FLRT2: variants seen among roughly 807,000 people sequenced by gnomAD.
FLRT2 encodes the protein fibronectin leucine rich transmembrane protein 2.
Under a neutral mutation model 40.0 loss-of-function variants are expected in FLRT2, and 15 were observed. That is an observed-to-expected ratio of 0.38 (90% CI 0.25 to 0.58). The LOEUF (loss-of-function observed/expected upper bound fraction) is 0.58. Ranked by LOEUF, FLRT2 falls within the 20% of genes least tolerant of loss-of-function variation. The pLI, the probability that FLRT2 is intolerant of heterozygous loss-of-function variation, is 0.71. For synonymous variants in FLRT2, 380 were observed against 336.8 expected (o/e 1.13, Z -1.41); for missense variants, 726 against 840.0 (o/e 0.86, Z 1.68).
intron 1 of FLRT2, among the ~76,000 whole-genome samples, chr14:85,534,869 T>C (rs1419470919): frequency 6.6e-6 from 1 of 151,304 alleles, no homozygotes; most frequent in Non-Finnish European, 1.5e-5. Flanking sequence ...ACTGAGTTTT[T>C]AGTTTCAAAG....
intron 1 of FLRT2, among the ~76,000 whole-genome samples, chr14:85,611,918 G>A (rs796505296): frequency 1.2e-3 from 11 of 8,856 alleles, no homozygotes; most frequent in African/African-American, 4.6e-3. Context: ...GCGCGAAAGC[G>A]TGTGTGTGTG....
At position 85,646,491 on chromosome 14, in the gene FLRT2, G is replaced by C. The variant is rs1354843163; in HGVS notation, c.*22994G>C. 1 of 152,196 alleles carries C rather than the reference G, an allele frequency of 6.6e-6. No individual in the cohort carries two copies. Among genetic ancestry groups the C allele is most frequent in the Non-Finnish European group, 1.5e-5 (1 of 68,046 alleles). 9.4% of individuals were successfully genotyped at this position (152,196 alleles called of 1,614,324 possible). On this transcript the variant is annotated 3_prime_UTR_variant, in exon 2 of 2. Transcript: ENST00000330753. ...AAGGAAGGGAGGAAAGGATGAAGTAGGTTTGCAGTCCTCTTAGAAGAAGGT... is the reference window on the plus strand; with the variant it reads ...AAGGAAGGGAGGAAAGGATGAAGTACGTTTGCAGTCCTCTTAGAAGAAGGT...
intron 1 of FLRT2, among the ~76,000 whole-genome samples, chr14:85,555,908 A>T (rs1889929983): frequency 6.6e-6 from 1 of 152,030 alleles, no homozygotes. Flanking sequence ...AATTGGAAGA[A>T]AGCCAACTAT....
chr14:85,616,807 C>T (rs2139361883), intron 1 of FLRT2, among the ~76,000 whole-genome samples: 1 of 152,300 alleles, frequency 6.6e-6, no homozygotes, highest in East Asian at 1.9e-4. Context: ...TTTTAAGCCT[C>T]ATGAGCCAAA....
In FLRT2 at chr14:85,621,818, G is replaced by A; in HGVS notation, c.304G>A (p.Glu102Lys). The change falls in exon 2 of 2, where the codon GAA becomes AAA. Residue 102 changes from glutamate (E) to lysine (K), a missense_variant. Physicochemically the swap from Glu to Lys is moderately conservative, Grantham distance 56 (BLOSUM62 1). Around this residue, in one of 3 missense-constraint regions of FLRT2, gnomAD observed 106 missense variants for 121.2 expected, o/e 0.87. Coordinates refer to ENST00000330753, the MANE Select transcript of FLRT2 (RefSeq NM_013231.6). ...CTACCTGTATGGCAACCAACTGGAC[G>A]AATTCCCCATGAACCTTCCCAAGAA... ...TVYLYGNQLDEFPMNLPKNVR... is the reference protein window; with the variant it reads ...TVYLYGNQLDKFPMNLPKNVR... 3 of 1,614,116 alleles carry A rather than the reference G, an allele frequency of 1.9e-6. No homozygotes were observed. Among genetic ancestry groups the A allele is most frequent in the Non-Finnish European group, 1.7e-6 (2 of 1,180,022 alleles).
At chr14:85,563,278 A>G (rs2139848583) in intron 1 of FLRT2, among the ~76,000 whole-genome samples, 1 of 152,276 alleles carries the variant, frequency 6.6e-6, no homozygotes, top group Middle Eastern at 3.4e-3. Flanking sequence ...TAATGGTGAG[A>G]TTGGAATGAG....
chr14:85,531,365 G>C (rs1037172040), intron 1 of FLRT2: 1 of 152,602 alleles, frequency 6.6e-6, no homozygotes, highest in African/African-American at 2.4e-5. Context: ...AGGCTTGGGG[G>C]CTTGGGGCCT....
chr14:85,584,216 CA>C (rs1283024678), intron 1 of FLRT2, among the ~76,000 whole-genome samples: 16 of 152,224 alleles, frequency 1.1e-4, no homozygotes, highest in Admixed American at 9.8e-4. Flanking sequence ...GCAAAATGAA[CA>C]AGTTGATTAA....
intron 1 of FLRT2, among the ~76,000 whole-genome samples, chr14:85,600,658 T>C (rs1367246953): frequency 6.6e-6 from 1 of 152,212 alleles, no homozygotes; most frequent in African/African-American, 2.4e-5. Flanking sequence ...TTGTGGACTT[T>C]TTTTGCAATT....
intron 1 of FLRT2, among the ~76,000 whole-genome samples, chr14:85,580,450 C>T (rs1293787005): frequency 6.6e-6 from 1 of 151,814 alleles, no homozygotes; most frequent in Non-Finnish European, 1.5e-5. Context: ...GCATGCATGC[C>T]CCTTTATTAT....
Position 85,653,983 on chromosome 14 carries a change from A to C in FLRT2, c.*30486A>C, listed in dbSNP as rs1894491438. 6.6e-6 allele frequency: 1 copy of C among 152,200 alleles called. No individual in the cohort carries two copies. The highest frequency in any genetic ancestry group is 2.4e-5 in the African/African-American group (1 of 41,448). The allele number at this position is 152,200 out of a possible 1,614,324, so 9.4% of individuals were successfully genotyped here. A position where few individuals can be genotyped will look rare whatever the true frequency, so the allele number is the denominator to read the frequency against. ...ATTCCTAAATGCTATTGCTCACCTCAAGTCAATGTCACTTTGTATTAATGG... is the reference window on the plus strand; with the variant it reads ...ATTCCTAAATGCTATTGCTCACCTCCAGTCAATGTCACTTTGTATTAATGG... On this transcript the variant is annotated 3_prime_UTR_variant, in exon 2 of 2. Coordinates refer to ENST00000330753, the MANE Select transcript of FLRT2 (RefSeq NM_013231.6).
chr14:85,532,262 C>T (rs1213899941), intron 1 of FLRT2, among the ~76,000 whole-genome samples: 1 of 152,192 alleles, frequency 6.6e-6, no homozygotes, highest in Admixed American at 6.5e-5. Context: ...CCACCGACGG[C>T]GCGTCTCGGC....
At chr14:85,591,207 A>G (rs992021016) in intron 1 of FLRT2, among the ~76,000 whole-genome samples, 5 of 152,234 alleles carry the variant, frequency 3.3e-5, no homozygotes, top group African/African-American at 1.2e-4. Context: ...AATTTTGCAG[A>G]TGAATTAGTT....
At chr14:85,536,793 G>A (rs561834944) in intron 1 of FLRT2, among the ~76,000 whole-genome samples, 2 of 152,130 alleles carry the variant, frequency 1.3e-5, no homozygotes, top group African/African-American at 2.4e-5. Context: ...TTTAATTACA[G>A]TAATAAAAAT....
rs531210007 is a variant in FLRT2, at chr14:85,569,530, T to G, written c.-377+38996T>G. Among the ~76,000 whole-genome samples the G allele has an allele frequency of 1.2e-3, 183 of 152,294 alleles. 3 individuals are homozygous for G. The South Asian group carries it at 0.037, about 31-fold the overall frequency. On this transcript the variant is annotated intron_variant, in intron 1 of 1. Coordinates refer to ENST00000330753, the MANE Select transcript of FLRT2 (RefSeq NM_013231.6). ...ATGCATTCAACTCAGTCCTTAGAGA[T>G]AAATGTTAGAGACAAAGGCACCATT...
chr14:85,610,819 C>T (rs990425898), intron 1 of FLRT2, among the ~76,000 whole-genome samples: 7 of 152,196 alleles, frequency 4.6e-5, no homozygotes, highest in East Asian at 1.9e-4. Flanking sequence ...CCATTATCAT[C>T]GTCTATGACA....
chr14:85,573,793 TA>T (rs1891003623), intron 1 of FLRT2, among the ~76,000 whole-genome samples: 1 of 152,254 alleles, frequency 6.6e-6, no homozygotes, highest in South Asian at 2.1e-4. Flanking sequence ...TTGCAGCCAT[TA>T]TTTGGGTTTA....
At chr14:85,608,143 T>C (rs1168809437) in intron 1 of FLRT2, among the ~76,000 whole-genome samples, 1 of 152,176 alleles carries the variant, frequency 6.6e-6, no homozygotes, top group Non-Finnish European at 1.5e-5. Context: ...TACTGGGGGT[T>C]AGGACTTCAA....
intron 1 of FLRT2, among the ~76,000 whole-genome samples, chr14:85,571,766 G>A (rs1433683100): frequency 1.3e-5 from 2 of 152,142 alleles, no homozygotes; most frequent in Non-Finnish European, 2.9e-5. Flanking sequence ...GATGTGGTGT[G>A]TCAAAGCTCT....
Sources: allele counts gnomAD v4.1 joint callset (sites outside exome capture counted in the v4.1 genomes callset), GRCh38; gene constraint gnomAD v4.1.1; regional missense constraint gnomAD v4.1.1; transcripts MANE v1.5; gene names NCBI Gene and HGNC (gene_info 2026-07-23, HGNC 2026-07-21).